The following TUBB8 variants were observed in gnomAD, a reference collection of about 807,000 sequenced individuals.
TUBB8 encodes the protein tubulin beta-8 chain.
A neutral mutation model predicts 33.7 loss-of-function variants in TUBB8; 25 were observed. The ratio of observed to expected loss-of-function variants is 0.74; its 90% confidence interval spans 0.54 to 1.04. The LOEUF (loss-of-function observed/expected upper bound fraction) is 1.04, where lower values mean the gene tolerates loss of function less well. Ranked by LOEUF, TUBB8 falls within the 50% of genes least tolerant of loss-of-function variation. The pLI, the probability that TUBB8 is intolerant of heterozygous loss-of-function variation, is 0.00. For synonymous variants in TUBB8, 245 were observed against 240.1 expected (o/e 1.02, Z -0.19); for missense variants, 279 against 608.0 (o/e 0.46, Z 5.69).
upstream of TUBB8, among the ~76,000 whole-genome samples, chr10:52,947 T>G (rs1380012469): frequency 2.6e-5 from 4 of 152,184 alleles, no homozygotes; most frequent in Non-Finnish European, 5.9e-5. Flanking sequence ...TCTCAGGAAT[T>G]TTGTGCATTT....
chr10:62,786 T>C (rs1437991506), intron 1 of TUBB8, among the ~76,000 whole-genome samples: 9 of 152,276 alleles, frequency 5.9e-5, no homozygotes, highest in Non-Finnish European at 1.2e-4. Flanking sequence ...AGTCTTTTTT[T>C]TCTTCAGCTT....
chr10:74,149 G>GC (rs1242214348), exon 1 of TUBB8: 1 of 144,616 alleles, frequency 6.9e-6, no homozygotes, highest in African/African-American at 2.8e-5. Context: ...CCCCCAGGAC[G>GC]CCGCCGTGCG....
chr10:47,233 C>T lies in TUBB8; in HGVS notation c.1159G>A (p.Ala387Thr). Residue 387 changes from alanine to threonine, a missense_variant, in exon 4 of 4, where the codon GCA becomes ACA. Ala to Thr is a moderately conservative substitution (Grantham distance 58). Around this residue, in one of 4 missense-constraint regions of TUBB8, gnomAD observed 123 missense variants for 228.9 expected, o/e 0.54. Transcript: ENST00000568584. ...LFKRVSEQFTAMFRRKAFLHW... is the reference protein window; with the variant it reads ...LFKRVSEQFTTMFRRKAFLHW... Reference sequence around the variant, plus strand: ...AGGAAGGCCTTGCGCCTGAACATTGCTGTAAACTGCTCTGAGACACGCTTG... The same window carrying T: ...AGGAAGGCCTTGCGCCTGAACATTGTTGTAAACTGCTCTGAGACACGCTTG... 2.5e-6 allele frequency: 4 copies of T among 1,602,944 alleles called. No individual in the cohort carries two copies. Among genetic ancestry groups the T allele is most frequent in the Non-Finnish European group, 3.4e-6 (4 of 1,178,880 alleles).
At chr10:49,027 G>A in intron 1 of TUBB8, 115 bp from the exon 2 acceptor site, 2 of 1,229,658 alleles carry the variant, frequency 1.6e-6, no homozygotes, top group Non-Finnish European at 2.3e-6. Flanking sequence ...CTGTCCCTGG[G>A]GTCCACCCCG....
chr10:71,733 C>T (rs1554742331), intron 1 of TUBB8, among the ~76,000 whole-genome samples: 1 of 151,370 alleles, frequency 6.6e-6, no homozygotes, highest in African/African-American at 2.4e-5. Flanking sequence ...TAAAGACAAA[C>T]CTGAGGGACA....
intron 1 of TUBB8, among the ~76,000 whole-genome samples, chr10:62,958 G>C (rs1389337094): frequency 6.6e-6 from 1 of 152,124 alleles, no homozygotes; most frequent in African/African-American, 2.4e-5. Flanking sequence ...TAAGTGCCTT[G>C]AGGTGGTCTT....
rs541935805 is a variant in TUBB8 at position 59,986 on chromosome 10, T to G, written c.-845-9753A>C. Among the ~76,000 whole-genome samples, 1,246 of 152,216 alleles carry G rather than the reference T, an allele frequency of 8.2e-3. 9 individuals carry two copies. Among genetic ancestry groups the G allele is most frequent in the South Asian group, 0.027 (132 of 4,826 alleles). On this transcript the variant is annotated intron_variant, in intron 1 of 3. Coordinates refer to the TUBB8 transcript ENST00000564130. ...TACTTGTAAAGTCTCCTTTTTCACC[T>G]TTGATTTTATTAATTTGTATCTTTG... is the stretch of plus-strand genomic sequence containing the variant.
At chr10:74,625 C>CAAAAAAAAAAAA (rs35723619), upstream of TUBB8, among the ~76,000 whole-genome samples, 10 of 89,674 alleles carry the variant, frequency 1.1e-4, no homozygotes, top group Non-Finnish European at 1.5e-4. Context: ...GACTCAGTAT[C>CAAAAAAAAAAAA]AAAAAAAAAA....
rs374937386 is a variant in TUBB8, at chr10:47,984, G to C, written c.408C>G (p.Thr136=). The C allele has an allele frequency of 6.8e-6, 11 of 1,613,940 alleles. No individual in the cohort carries two copies. The highest frequency in any genetic ancestry group is 1.3e-5 in the African/African-American group (1 of 74,940). Residue 136 remains threonine (T), a synonymous_variant, in exon 4 of 4, where the codon ACC becomes ACG. Transcript: ENST00000568584. ...ACCCAGTCCCCCCACCCAGGGAGTG[G>C]GTCAGCTGGAAACCCTGCAGGCAGT... ...SCDCLQGFQL[T]HSLGGGTGSG...
At chr10:72,586 G>C (rs1834751769) in intron 1 of TUBB8, among the ~76,000 whole-genome samples, 1 of 150,492 alleles carries the variant, frequency 6.6e-6, no homozygotes. Context: ...TGGCTCAGTG[G>C]CTCACGCATG....
chr10:75,878 C>G (rs571014881), upstream of TUBB8, among the ~76,000 whole-genome samples: 14 of 152,074 alleles, frequency 9.2e-5, no homozygotes, highest in African/African-American at 3.1e-4. Flanking sequence ...ATGGCTCATG[C>G]CTGTAATCCC....
upstream of TUBB8, among the ~76,000 whole-genome samples, chr10:76,139 CAAAAAAAAAA>C (rs71374333): frequency 2.7e-5 from 2 of 73,360 alleles, no homozygotes; most frequent in African/African-American, 1.3e-4. Flanking sequence ...AACTCCGTCT[CAAAAAAAAAA>C]AAAAAAAAAA....
intron 1 of TUBB8, among the ~76,000 whole-genome samples, chr10:57,665 T>C (rs139910129): frequency 3.3e-5 from 5 of 149,354 alleles, no homozygotes; most frequent in African/African-American, 4.9e-5. Context: ...AGCCATGTTC[T>C]AAGGCTACCC....
intron 1 of TUBB8, among the ~76,000 whole-genome samples, chr10:61,974 T>C (rs1834607931): frequency 6.8e-6 from 1 of 146,370 alleles, no homozygotes. Flanking sequence ...ATTTTCAGTC[T>C]AAATGTATCT....
At position 48,146 on chromosome 10, in the gene TUBB8, C is replaced by T. The variant is rs536118302; in HGVS notation, c.278-32G>A. 1.3e-4 allele frequency: 178 copies of T among 1,325,474 alleles called. No homozygotes were observed. In the African/African-American group the frequency reaches 2.0e-3, roughly 15 times the overall value. 82.1% of individuals were successfully genotyped at this position (1,325,474 alleles called of 1,614,324 possible). The stretch of plus-strand genomic sequence containing the variant: ...GACAGCACAGCCGGTCACTCGACGG[C>T]CAGGTATACGGTCATCAGTGGTCAC... On this transcript the variant is annotated intron_variant, in intron 3 of 3. Transcript: ENST00000568584.
At chr10:75,915 G>A (rs1554743152), upstream of TUBB8, among the ~76,000 whole-genome samples, 2 of 150,902 alleles carry the variant, frequency 1.3e-5, no homozygotes. Context: ...AAGGCGGGTG[G>A]ATTTCCTGGG....
chr10:75,368 A>G (rs1304828848), upstream of TUBB8, among the ~76,000 whole-genome samples: 1 of 148,702 alleles, frequency 6.7e-6, no homozygotes, highest in African/African-American at 2.5e-5. Context: ...AACAAACCGA[A>G]AAAAGGCTGG....
At chr10:61,376 C>G (rs1166743395) in intron 1 of TUBB8, among the ~76,000 whole-genome samples, 1 of 152,164 alleles carries the variant, frequency 6.6e-6, no homozygotes, top group African/African-American at 2.4e-5. Context: ...ACTGATCATT[C>G]AAGAGCATAT....
At position 47,975 on chromosome 10, in the gene TUBB8, C is replaced by A. The variant is rs1317548614; in HGVS notation, c.417G>T (p.Leu139=). Reference sequence around the variant, plus strand: ...CCATCCCAGACCCAGTCCCCCCACCCAGGGAGTGGGTCAGCTGGAAACCCT... The same window carrying A: ...CCATCCCAGACCCAGTCCCCCCACCAAGGGAGTGGGTCAGCTGGAAACCCT... ...CLQGFQLTHS[L]GGGTGSGMGT... Residue 139 remains leucine (L), a synonymous_variant, in exon 4 of 4, where the codon CTG becomes CTT. Coordinates refer to ENST00000568584, the MANE Select transcript of TUBB8 (RefSeq NM_177987.3). 1 of 1,614,130 alleles carries A rather than the reference C, an allele frequency of 6.2e-7. No individual in the cohort carries two copies. The highest frequency in any genetic ancestry group is 8.5e-7 in the Non-Finnish European group (1 of 1,180,044).
Sources: allele counts gnomAD v4.1 joint callset (sites outside exome capture counted in the v4.1 genomes callset), GRCh38; gene constraint gnomAD v4.1.1; regional missense constraint gnomAD v4.1.1; transcripts MANE v1.5; gene names NCBI Gene and HGNC (gene_info 2026-07-23, HGNC 2026-07-21).